Variants in FAM170A observed in about 807,000 individuals in gnomAD.
FAM170A encodes the protein protein FAM170A.
In FAM170A, 28 loss-of-function variants were observed where a neutral mutation model predicts 36.6. That is an observed-to-expected ratio of 0.76 (90% CI 0.57 to 1.05). The LOEUF (loss-of-function observed/expected upper bound fraction) is 1.05, where lower values mean the gene tolerates loss of function less well. Ranked by LOEUF, FAM170A falls within the 50% of genes least tolerant of loss-of-function variation. FAM170A has a pLI of 0.00. For missense variants in FAM170A, 434 were observed against 396.5 expected (o/e 1.09, Z -0.80); for synonymous variants, 156 against 143.9 (o/e 1.08, Z -0.60).
At position 119,635,029 on chromosome 5, in the gene FAM170A, A is replaced by G. The variant is rs373761523; in HGVS notation, c.987-2A>G. On this transcript the variant is annotated splice_acceptor_variant, in intron 3 of 4. Coordinates refer to ENST00000613773, the Ensembl canonical transcript of FAM170A. LOFTEE classifies it high-confidence loss of function. ...TTCTTTGGTTTGATTTTCACACAGCAGCTGAGACTTATGGGCCAGAAGATA... is the reference window on the plus strand; with the variant it reads ...TTCTTTGGTTTGATTTTCACACAGCGGCTGAGACTTATGGGCCAGAAGATA... 5.1e-5 allele frequency: 82 copies of G among 1,614,062 alleles called. No homozygotes were observed. Among genetic ancestry groups the G allele is most frequent in the Non-Finnish European group, 6.5e-5 (77 of 1,180,012 alleles).
chr5:119,633,879 C>T (rs1756311191), intron 2 of FAM170A, 81 bp from the exon 3 acceptor site: 2 of 1,524,468 alleles, frequency 1.3e-6, no homozygotes, highest in South Asian at 1.3e-5. Context: ...CTGTCTCCTG[C>T]ACCACACATA....
At chr5:119,635,001 T>C in intron 3 of FAM170A, 27 bp from the exon 4 acceptor site, 3 of 1,613,754 alleles carry the variant, frequency 1.9e-6, no homozygotes. Flanking sequence ...CTAAGAAGTG[T>C]CTTTCTTTGG....
Position 119,629,857 on chromosome 5 carries a change from T to C in FAM170A, c.70+19T>C, listed in dbSNP as rs972955148. 1 of 1,599,818 alleles carries C rather than the reference T, an allele frequency of 6.3e-7. No individual in the cohort carries two copies. The highest frequency in any genetic ancestry group is 8.6e-7 in the Non-Finnish European group (1 of 1,167,956). On this transcript the variant is annotated intron_variant, in intron 1 of 4. Coordinates refer to ENST00000613773, the Ensembl canonical transcript of FAM170A. ...GGAGGAGGTATGTGCGGGGCAAACT[T>C]TCTGGGGCACAAGCGTCACTGGCCA... is the stretch of plus-strand genomic sequence containing the variant.
chr5:119,630,686 C>G (rs1045186394), intron 1 of FAM170A, among the ~76,000 whole-genome samples: 1 of 152,154 alleles, frequency 6.6e-6, no homozygotes, highest in Non-Finnish European at 1.5e-5. Context: ...TGGAACTATG[C>G]CAGTCTCAGG....
chr5:119,634,048 A>G (rs1050290931), exon 3 of FAM170A: 2 of 1,614,040 alleles, frequency 1.2e-6, no homozygotes, highest in South Asian at 2.2e-5. Flanking sequence ...CCCGCTCACA[A>G]CATGTCTCCT....
intron 3 of FAM170A, 111 bp from the exon 4 acceptor site, chr5:119,634,917 G>T: frequency 2.1e-6 from 3 of 1,421,304 alleles, no homozygotes; most frequent in Non-Finnish European, 2.9e-6. Context: ...ATAAAGTCTC[G>T]ATTGTAAGTC....
intron 2 of FAM170A, 51 bp from the exon 3 acceptor site, chr5:119,633,909 G>C: frequency 1.9e-6 from 3 of 1,564,552 alleles, no homozygotes; most frequent in East Asian, 2.3e-5. Flanking sequence ...CGTTCCCTCA[G>C]CTCCTAGCAT....
chr5:119,632,974 G>C (rs113286225), intron 2 of FAM170A, 86 bp downstream of exon 2: 2 of 1,411,540 alleles, frequency 1.4e-6, no homozygotes, highest in African/African-American at 2.9e-5. Context: ...GGGCTCTGTG[G>C]GCATGAGACT....
chr5:119,634,161 G>A, exon 3 of FAM170A: 2 of 1,614,188 alleles, frequency 1.2e-6, no homozygotes, highest in South Asian at 1.1e-5. Flanking sequence ...ATGAACAAAG[G>A]TGTGGCTGTC....
At chr5:119,630,971 G>A (rs999869963) in intron 1 of FAM170A, among the ~76,000 whole-genome samples, 5 of 152,196 alleles carry the variant, frequency 3.3e-5, no homozygotes, top group African/African-American at 1.2e-4. Flanking sequence ...AACCACGGAG[G>A]TTTGATTGCT....
chr5:119,634,840 C>T (rs1756345451), intron 3 of FAM170A, 106 bp downstream of exon 3: 1 of 1,301,202 alleles, frequency 7.7e-7, no homozygotes, highest in South Asian at 1.4e-5. Context: ...GATTTGGGGG[C>T]TTTATTGGCT....
At chr5:119,632,980 A>T (rs906631028) in intron 2 of FAM170A, 92 bp downstream of exon 2, 1 of 1,398,084 alleles carries the variant, frequency 7.2e-7, no homozygotes, top group Non-Finnish European at 9.6e-7. Context: ...TGTGGGCATG[A>T]GACTCTTTGG....
exon 1 of FAM170A, chr5:119,629,582 GTGGGCAC>G (rs1756195214): frequency 2.0e-6 from 1 of 488,328 alleles, no homozygotes; most frequent in Non-Finnish European, 3.8e-6. Context: ...CTGCAGTGTA[GTGGGCAC>G]TGGGCAGTGC....
At chr5:119,632,597 C>A in intron 1 of FAM170A, 151 bp from the exon 2 acceptor site, 1 of 623,006 alleles carries the variant, frequency 1.6e-6, no homozygotes, top group East Asian at 2.9e-5. Flanking sequence ...TAATTAAATA[C>A]TGGAGTATCC....
intron 1 of FAM170A, 141 bp from the exon 2 acceptor site, chr5:119,632,607 C>T (rs959202159): frequency 4.2e-5 from 28 of 674,076 alleles, no homozygotes; most frequent in Non-Finnish European, 6.0e-5. Context: ...CTGGAGTATC[C>T]ACCAGAAGCC....
intron 1 of FAM170A, among the ~76,000 whole-genome samples, chr5:119,630,040 C>T (rs1165541107): frequency 2.6e-5 from 4 of 151,790 alleles, no homozygotes; most frequent in Admixed American, 6.6e-5. Flanking sequence ...TACAGGTGCC[C>T]ACCACCACGC....
rs568422653 is a variant in FAM170A, at chr5:119,635,523, C to T, written c.*53-177C>T. Among the ~76,000 whole-genome samples, 271 of 152,256 alleles carry T rather than the reference C, an allele frequency of 1.8e-3. 2 individuals are homozygous for T. The highest frequency in any genetic ancestry group is 6.3e-3 in the African/African-American group (261 of 41,548). On this transcript the variant is annotated intron_variant, in intron 4 of 4. Transcript: ENST00000613773. ...TAACAACATCATCCTGATGAGACACCAAGAGAACTGGAAATGTTTCAGAAC... is the reference window on the plus strand; with the variant it reads ...TAACAACATCATCCTGATGAGACACTAAGAGAACTGGAAATGTTTCAGAAC...
At chr5:119,634,392 C>A (rs1756330807) in exon 3 of FAM170A, 1 of 1,614,148 alleles carries the variant, frequency 6.2e-7, no homozygotes, top group African/African-American at 1.3e-5. Context: ...ACACCCAGAG[C>A]CAAGACTCCT....
rs547897600 is a variant in FAM170A, at chr5:119,630,043, C to T, written c.70+205C>T. On this transcript the variant is annotated intron_variant, in intron 1 of 4. Transcript: ENST00000613773. ...AGTAGCTGGGACTACAGGTGCCCAC[C>T]ACCACGCCCGGCTAATTTTTTGTAT... Among the ~76,000 whole-genome samples the T allele has an allele frequency of 7.3e-3, 1,111 of 151,924 alleles. 11 individuals carry two copies. Among genetic ancestry groups the T allele is most frequent in the African/African-American group, 0.024 (1,003 of 41,398 alleles).
Sources: gnomAD v4.1 joint callset for allele counts (sites outside exome capture counted in the v4.1 genomes callset) on GRCh38, gnomAD v4.1.1 for gene constraint, MANE v1.5 for transcripts, NCBI Gene and HGNC (gene_info 2026-07-23, HGNC 2026-07-21) for gene names.